The following SYCP1 variants were observed in gnomAD, a reference collection of about 807,000 sequenced individuals.
SYCP1 encodes cancer/testis antigen 8.
Under a neutral mutation model 153.1 loss-of-function variants are expected in SYCP1, and 64 were observed. That is an observed-to-expected ratio of 0.42 (90% CI 0.34 to 0.51). The LOEUF is 0.51. Ranked by LOEUF, SYCP1 falls within the 20% of genes least tolerant of loss-of-function variation. SYCP1 has a pLI of 0.06. For missense variants in SYCP1, 997 were observed against 1,049.0 expected (o/e 0.95, Z 0.68); for synonymous variants, 384 against 341.8 (o/e 1.12, Z -1.36).
intron 30 of SYCP1, among the ~76,000 whole-genome samples, chr1:114,989,266 G>A (rs1673745286): frequency 6.6e-6 from 1 of 151,822 alleles, no homozygotes; most frequent in Non-Finnish European, 1.5e-5. Context: ...AAGTTCAGTT[G>A]GTATAAATTT....
intron 8 of SYCP1, among the ~76,000 whole-genome samples, chr1:114,872,913 C>T (rs1332934243): frequency 6.6e-6 from 1 of 152,176 alleles, no homozygotes; most frequent in Non-Finnish European, 1.5e-5. Flanking sequence ...CCTGAGCCTT[C>T]TGAGTGGCTG....
intron 15 of SYCP1, among the ~76,000 whole-genome samples, chr1:114,888,497 C>A (rs1428765832): frequency 6.6e-6 from 1 of 151,406 alleles, no homozygotes; most frequent in Non-Finnish European, 1.5e-5. Flanking sequence ...AACTTTTGGA[C>A]CATATTTATC....
chr1:114,855,429 CCG>C lies in SYCP1; in HGVS notation c.-24-11_-24-10del. ...AAACTTTCCTTCCCCTCCCGCCCCC[CCG>C]GGGCAGTAGATATTTACAACCGTAA... On this transcript the variant is annotated splice_polypyrimidine_tract_variant and intron_variant, in intron 1 of 31. Coordinates refer to ENST00000369522, the MANE Select transcript of SYCP1 (RefSeq NM_003176.4). 1 of 1,562,072 alleles carries C rather than the reference CCG, an allele frequency of 6.4e-7. No individual in the cohort carries two copies. The highest frequency in any genetic ancestry group is 8.8e-7 in the Non-Finnish European group (1 of 1,140,702).
At chr1:114,869,851 T>C (rs1664995485) in intron 8 of SYCP1, among the ~76,000 whole-genome samples, 3 of 152,216 alleles carry the variant, frequency 2.0e-5, no homozygotes, top group Admixed American at 2.0e-4. Flanking sequence ...CCATTTCTGA[T>C]AGAGATGTTG....
At chr1:114,944,800 A>G in intron 24 of SYCP1, 72 bp from the exon 25 acceptor site, 1 of 1,096,106 alleles carries the variant, frequency 9.1e-7, no homozygotes, top group Non-Finnish European at 1.3e-6. Context: ...TAAGTAGAAC[A>G]TATACTTTTT....
intron 20 of SYCP1, among the ~76,000 whole-genome samples, chr1:114,919,971 G>A (rs990525555): frequency 2.6e-5 from 4 of 151,396 alleles, no homozygotes; most frequent in African/African-American, 9.7e-5. Context: ...TTGATGTTTT[G>A]TATTGTTTTC....
At chr1:114,957,893 A>C (rs990510276) in intron 27 of SYCP1, among the ~76,000 whole-genome samples, 3 of 152,194 alleles carry the variant, frequency 2.0e-5, no homozygotes, top group African/African-American at 7.2e-5. Context: ...CAAAAAACTA[A>C]AAATAGAGCT....
chr1:114,854,652 C>T (rs1217824854), upstream of SYCP1, among the ~76,000 whole-genome samples: 2 of 152,178 alleles, frequency 1.3e-5, no homozygotes, highest in African/African-American at 2.4e-5. Context: ...ATGGATTTTT[C>T]ACTCTCAGCT....
intron 23 of SYCP1, among the ~76,000 whole-genome samples, chr1:114,934,929 G>T (rs1014463088): frequency 6.6e-6 from 1 of 152,108 alleles, no homozygotes; most frequent in Non-Finnish European, 1.5e-5. Flanking sequence ...GACCTAGAAA[G>T]GTACTTAGAC....
At chr1:114,986,601 T>C (rs1265075085) in intron 30 of SYCP1, among the ~76,000 whole-genome samples, 1 of 152,146 alleles carries the variant, frequency 6.6e-6, no homozygotes, top group African/African-American at 2.4e-5. Flanking sequence ...GTTATAATTA[T>C]TATATGAACC....
chr1:114,878,064 T>C, intron 11 of SYCP1, 30 bp from the exon 12 acceptor site: 1 of 1,229,720 alleles, frequency 8.1e-7, no homozygotes, highest in Non-Finnish European at 1.1e-6. Flanking sequence ...TAAATTTTCA[T>C]ATTGATAATG....
At chr1:114,994,675 A>G (rs1305058617) in intron 30 of SYCP1, 23 bp from the exon 31 acceptor site, 9 of 1,522,226 alleles carry the variant, frequency 5.9e-6, no homozygotes, top group Admixed American at 2.3e-5. Context: ...ACCCAACATC[A>G]TATTTTTTTA....
intron 23 of SYCP1, among the ~76,000 whole-genome samples, chr1:114,929,725 A>C (rs2101753811): frequency 6.6e-6 from 1 of 152,198 alleles, no homozygotes; most frequent in South Asian, 2.1e-4. Flanking sequence ...AAATGAAGCA[A>C]AAACTTGATA....
chr1:114,906,148 G>A (rs980920509), intron 16 of SYCP1, among the ~76,000 whole-genome samples: 1 of 151,868 alleles, frequency 6.6e-6, no homozygotes, highest in Non-Finnish European at 1.5e-5. Context: ...TGTATTTTTA[G>A]TAGAGATGGG....
At chr1:114,958,982 G>A (rs1268586500) in intron 27 of SYCP1, among the ~76,000 whole-genome samples, 1 of 150,848 alleles carries the variant, frequency 6.6e-6, no homozygotes, top group Non-Finnish European at 1.5e-5. Flanking sequence ...TTTATATGAT[G>A]TACTATTTGC....
chr1:114,975,106 G>T (rs1672727072), intron 27 of SYCP1, among the ~76,000 whole-genome samples: 1 of 151,766 alleles, frequency 6.6e-6, no homozygotes, highest in Non-Finnish European at 1.5e-5. Context: ...TAATATGCCT[G>T]TTGGACATTG....
chr1:114,939,015 T>A lies in SYCP1; in HGVS notation c.1927-5324T>A, dbSNP rs540334201. Among the ~76,000 whole-genome samples the A allele has an allele frequency of 4.6e-5, 7 of 152,144 alleles. No homozygotes were observed. In the East Asian group the frequency reaches 1.2e-3, roughly 25 times the overall value. ...ACAATTTTGTGGTTCCCCAAAAAAA[T>A]AAAACTAAAATAACTATATGATCCA... On this transcript the variant is annotated intron_variant, in intron 23 of 31. Transcript: ENST00000369522.
chr1:114,984,663 C>A, intron 29 of SYCP1, 62 bp from the exon 30 acceptor site: 1 of 1,215,120 alleles, frequency 8.2e-7, no homozygotes, highest in South Asian at 3.4e-5. Context: ...TTTGTGAAAC[C>A]CTTTATTAAT....
intron 5 of SYCP1, 50 bp from the exon 6 acceptor site, chr1:114,858,497 G>A (rs546800867): frequency 6.8e-7 from 1 of 1,465,094 alleles, no homozygotes; most frequent in Non-Finnish European, 9.2e-7. Flanking sequence ...GCTGTAGTTT[G>A]GTTATATTAG....
Sources: allele counts gnomAD v4.1 joint callset (sites outside exome capture counted in the v4.1 genomes callset), GRCh38; gene constraint gnomAD v4.1.1; transcripts MANE v1.5; gene names NCBI Gene and HGNC (gene_info 2026-07-23, HGNC 2026-07-21).